CIRSR: variants seen among roughly 807,000 people sequenced by gnomAD.
The protein encoded by CIRSR is CBF1 (RBPJ) interacting corepressor 1.
the CIRSR span, among the ~76,000 whole-genome samples, chr2:174,358,017 T>C: frequency 6.6e-6 from 1 of 152,186 alleles, no homozygotes; most frequent in African/African-American, 2.4e-5. Flanking sequence ...GCTGGAAACA[T>C]AGGGTTTCTT....
At chr2:174,368,745 C>G in the CIRSR span, among the ~76,000 whole-genome samples, 2 of 152,148 alleles carry the variant, frequency 1.3e-5, no homozygotes, top group South Asian at 2.1e-4. Flanking sequence ...GTCCCTAGAG[C>G]TCTTGGGTCA....
the CIRSR span, among the ~76,000 whole-genome samples, chr2:174,369,532 C>A: frequency 6.6e-6 from 1 of 152,206 alleles, no homozygotes; most frequent in African/African-American, 2.4e-5. Context: ...AGGAGGCCTA[C>A]CTTTCTACCT....
the CIRSR span, among the ~76,000 whole-genome samples, chr2:174,371,687 C>T: frequency 2.0e-5 from 3 of 152,186 alleles, no homozygotes; most frequent in African/African-American, 7.2e-5. Context: ...AACCTCACAG[C>T]TGGAACATTC....
the CIRSR span, among the ~76,000 whole-genome samples, chr2:174,360,484 G>C: frequency 6.6e-6 from 1 of 152,214 alleles, no homozygotes; most frequent in Non-Finnish European, 1.5e-5. Flanking sequence ...GATTTGGGTA[G>C]AAGAATTAAT....
the CIRSR span, chr2:174,351,655 T>G: frequency 6.2e-7 from 1 of 1,614,028 alleles, no homozygotes. Context: ...TTCTCCCCAG[T>G]ACATTTCGTT....
At chr2:174,389,066 A>C in the CIRSR span, among the ~76,000 whole-genome samples, 9 of 152,192 alleles carry the variant, frequency 5.9e-5, no homozygotes, top group Non-Finnish European at 8.8e-5. Flanking sequence ...TCATTTCTTC[A>C]TAGCAGCGTG....
the CIRSR span, among the ~76,000 whole-genome samples, chr2:174,390,662 C>A: frequency 6.6e-6 from 1 of 151,050 alleles, no homozygotes; most frequent in African/African-American, 2.5e-5. Context: ...CCAATCTCAT[C>A]TTGAATTGTA....
the CIRSR span, among the ~76,000 whole-genome samples, chr2:174,390,338 A>G: frequency 2.0e-5 from 3 of 152,206 alleles, no homozygotes; most frequent in African/African-American, 4.8e-5. Context: ...TGACTGCCCT[A>G]TTGGATTTTG....
At chr2:174,359,425 A>T in the CIRSR span, among the ~76,000 whole-genome samples, 25 of 152,160 alleles carry the variant, frequency 1.6e-4, no homozygotes, top group African/African-American at 6.0e-4. Flanking sequence ...TCTATATATT[A>T]TATATCTCTC....
chr2:174,377,225 A>G, the CIRSR span, among the ~76,000 whole-genome samples: 1 of 152,176 alleles, frequency 6.6e-6, no homozygotes, highest in Non-Finnish European at 1.5e-5. Flanking sequence ...ATAACAACAA[A>G]TCCCTGTGAC....
At chr2:174,388,889 TGA>T in the CIRSR span, among the ~76,000 whole-genome samples, 1 of 152,150 alleles carries the variant, frequency 6.6e-6, no homozygotes, top group African/African-American at 2.4e-5. Context: ...TGACAGTGGG[TGA>T]GTTCTCACAA....
At chr2:174,363,169 C>T in the CIRSR span, among the ~76,000 whole-genome samples, 1 of 152,200 alleles carries the variant, frequency 6.6e-6, no homozygotes, top group East Asian at 1.9e-4. Flanking sequence ...TTACAGCCCA[C>T]AAGCACAGGC....
chr2:174,378,797 C>G, the CIRSR span: 1 of 759,000 alleles, frequency 1.3e-6, no homozygotes, highest in Non-Finnish European at 2.3e-6. Context: ...TGGTCTTAGT[C>G]AAAAACAAAC....
the CIRSR span, chr2:174,349,044 G>T: frequency 6.3e-7 from 1 of 1,596,170 alleles, no homozygotes; most frequent in East Asian, 2.2e-5. Flanking sequence ...CTCAGTAGAG[G>T]AAGAGGAGGA....
At chr2:174,385,586 A>C in the CIRSR span, among the ~76,000 whole-genome samples, 2 of 152,316 alleles carry the variant, frequency 1.3e-5, no homozygotes, top group South Asian at 4.1e-4. Flanking sequence ...GGGAAAATAA[A>C]AGACGAGTCT....
the CIRSR span, chr2:174,380,822 G>A: frequency 1.3e-6 from 2 of 1,585,374 alleles, no homozygotes; most frequent in South Asian, 1.1e-5. Flanking sequence ...TTTCTTGATT[G>A]CATATCAAAA....
At chr2:174,393,538 G>T in the CIRSR span, among the ~76,000 whole-genome samples, 1 of 151,964 alleles carries the variant, frequency 6.6e-6, no homozygotes, top group South Asian at 2.1e-4. Flanking sequence ...TATAGATGGG[G>T]TCTCACTTTG....
the CIRSR span, among the ~76,000 whole-genome samples, chr2:174,361,453 T>C: frequency 1.3e-5 from 2 of 152,218 alleles, no homozygotes; most frequent in African/African-American, 4.8e-5. Context: ...CTAGCAAATA[T>C]TATGATCAGA....
the CIRSR span, among the ~76,000 whole-genome samples, chr2:174,373,764 TAAA>T: frequency 3.1e-5 from 4 of 130,250 alleles, no homozygotes; most frequent in Admixed American, 7.7e-5. Context: ...TCCCTCACCT[TAAA>T]AAAAAAAAAA....
Sources: gnomAD v4.1 joint callset for allele counts (sites outside exome capture counted in the v4.1 genomes callset) on GRCh38, gnomAD v4.1.1 for gene constraint, MANE v1.5 for transcripts, NCBI Gene and HGNC (gene_info 2026-07-23, HGNC 2026-07-21) for gene names.